KIF26B: variants seen among roughly 807,000 people sequenced by gnomAD.
The protein encoded by KIF26B is kinesin-like protein KIF26B.
A neutral mutation model predicts 151.2 loss-of-function variants in KIF26B; 63 were observed. The ratio of observed to expected loss-of-function variants is 0.42; its 90% CI spans 0.34 to 0.51. KIF26B has a LOEUF of 0.51. Among genes scored for constraint, KIF26B ranks in the 20% least tolerant of loss-of-function variants. The pLI is 0.07. For missense variants in KIF26B, 2,813 were observed against 2,913.6 expected (o/e 0.97, Z 0.79); for synonymous variants, 1,357 against 1,262.1 (o/e 1.08, Z -1.59).
chr1:245,156,413 C>G lies in KIF26B; in HGVS notation c.195C>G (p.Ser65=), dbSNP rs554058547. ...AGGGCGCGGGCTCAGCGCTCGGCTC[C>G]TCGGGGACCCCGTCTCCCGGCTCGG... is the stretch of plus-strand genomic sequence containing the variant. ...TPEGAGSALG[S]SGTPSPGSGT... The change falls in exon 2 of 15, where the codon TCC becomes TCG. Residue 65 remains serine, a synonymous_variant. Transcript: ENST00000407071. 2.0e-6 allele frequency: 3 copies of G among 1,533,064 alleles called. No individual in the cohort carries two copies. The African/African-American group carries it at 4.2e-5, about 22-fold the overall frequency. The allele number at this position is 1,533,064 out of a possible 1,614,324, so 95.0% of individuals were successfully genotyped here.
intron 4 of KIF26B, among the ~76,000 whole-genome samples, chr1:245,432,233 T>C (rs940751093): frequency 6.6e-6 from 1 of 152,188 alleles, no homozygotes; most frequent in Non-Finnish European, 1.5e-5. Context: ...TTGAAGTGCT[T>C]GGAGAAGTTT....
chr1:245,158,131 T>TA (rs1668475652), intron 2 of KIF26B, among the ~76,000 whole-genome samples: 1 of 152,192 alleles, frequency 6.6e-6, no homozygotes, highest in African/African-American at 2.4e-5. Context: ...CCTTGGTTCT[T>TA]AAAGATCTAG....
Position 245,485,910 on chromosome 1 carries a change from C to A in KIF26B, c.1167-54857C>A, listed in dbSNP as rs541509705. ...GGAGTTAAGATTCCTTACTACTTTG[C>A]ATCTTGGTCAATAGTCAGTTTGTCT... On this transcript the variant is annotated intron_variant, in intron 4 of 14. Coordinates refer to ENST00000407071, the MANE Select transcript of KIF26B (RefSeq NM_018012.4). 2.0e-5 allele frequency among the ~76,000 whole-genome samples: 3 copies of A among 152,326 alleles called. No homozygotes were observed. The South Asian group carries it at 6.2e-4, about 32-fold the overall frequency.
intron 10 of KIF26B, among the ~76,000 whole-genome samples, chr1:245,681,008 A>AC (rs1220479078): frequency 6.6e-6 from 1 of 152,142 alleles, no homozygotes; most frequent in Non-Finnish European, 1.5e-5. Context: ...GTCCCTAAGC[A>AC]CAGGAAGGCT....
chr1:245,550,045 C>G (rs1661841223), intron 5 of KIF26B, among the ~76,000 whole-genome samples: 1 of 152,186 alleles, frequency 6.6e-6, no homozygotes, highest in Admixed American at 6.5e-5. Context: ...TCTCAAAGTG[C>G]TGGGATTACA....
rs374048286 is a variant in KIF26B at position 245,381,256 on chromosome 1, ATG to A, written c.999+13892_999+13893del. ...TGGTAGAAAGACCACACAGATCTGCATGTGAGTGCTGGCTCACCTGCTTAGTA... is the reference window on the plus strand; with the variant it reads ...TGGTAGAAAGACCACACAGATCTGCATGAGTGCTGGCTCACCTGCTTAGTA... On this transcript the variant is annotated intron_variant, in intron 3 of 14. Coordinates refer to ENST00000407071, the MANE Select transcript of KIF26B (RefSeq NM_018012.4). 3.9e-5 allele frequency among the ~76,000 whole-genome samples: 6 copies of A among 152,330 alleles called. No homozygotes were observed. The East Asian group carries it at 7.7e-4, about 20-fold the overall frequency.
intron 3 of KIF26B, among the ~76,000 whole-genome samples, chr1:245,400,408 A>T (rs1404563979): frequency 6.6e-6 from 1 of 151,884 alleles, no homozygotes; most frequent in Non-Finnish European, 1.5e-5. Context: ...ATATTTTCTG[A>T]GTTTCTAGTA....
At chr1:245,448,195 T>C (rs1290394309) in intron 4 of KIF26B, among the ~76,000 whole-genome samples, 1 of 152,224 alleles carries the variant, frequency 6.6e-6, no homozygotes, top group Non-Finnish European at 1.5e-5. Flanking sequence ...TCCATTTTAT[T>C]TGTATGTTTT....
rs562695346 is a variant in KIF26B, at chr1:245,241,684, C to T, written c.465+85001C>T. The stretch of plus-strand genomic sequence containing the variant: ...AGGTCCACGGGAACAGCTGCTATGG[C>T]GGCGGACACAGCCCCGTCCAGGGCC... On this transcript the variant is annotated intron_variant, in intron 2 of 14. Transcript: ENST00000407071. The surrounding 1 kb of genome is among the most constrained non-coding windows in gnomAD (Gnocchi z 5.0). Among the ~76,000 whole-genome samples the T allele has an allele frequency of 5.3e-5, 8 of 152,320 alleles. No individual in the cohort carries two copies. Among genetic ancestry groups the T allele is most frequent in the East Asian group, 1.9e-4 (1 of 5,182 alleles).
intron 2 of KIF26B, among the ~76,000 whole-genome samples, chr1:245,231,827 A>G (rs1670005348): frequency 6.6e-6 from 1 of 152,366 alleles, no homozygotes; most frequent in Admixed American, 6.5e-5. Context: ...GGATGGAACA[A>G]TGTTTTCAAG....
intron 2 of KIF26B, among the ~76,000 whole-genome samples, chr1:245,295,321 G>C (rs1671318384): frequency 1.3e-5 from 2 of 152,106 alleles, no homozygotes; most frequent in South Asian, 4.2e-4. Flanking sequence ...TCACAAAATG[G>C]AACCGGTTGA....
chr1:245,639,443 ATTG>A (rs1016610070), intron 9 of KIF26B, among the ~76,000 whole-genome samples: 4 of 151,258 alleles, frequency 2.6e-5, no homozygotes, highest in African/African-American at 7.3e-5. Flanking sequence ...GGTTTTTTGT[ATTG>A]TTATTTTAGT....
rs1387368933 is a variant in KIF26B at position 245,686,369 on chromosome 1, T to C, written c.3386T>C (p.Val1129Ala). The change falls in exon 12 of 15, where the codon GTT becomes GCT. Residue 1129 changes from valine (V) to alanine (A), a missense_variant. Physicochemically the swap from Val to Ala is moderately conservative, Grantham distance 64 (BLOSUM62 0). Coordinates refer to ENST00000407071, the MANE Select transcript of KIF26B (RefSeq NM_018012.4). This position sits in a 1 kb window ranked among gnomAD's most constrained non-coding sequence, Gnocchi z 5.6. Reference protein sequence around the residue: ...LLQPEVRTPPVGMSPQVLKKS... With the variant: ...LLQPEVRTPPAGMSPQVLKKS... ...CAGCCCGAGGTGCGTACGCCCCCGG[T>C]TGGAATGAGCCCCCAGGTTTTGAAA... is the stretch of plus-strand genomic sequence containing the variant. 6.2e-7 allele frequency: 1 copy of C among 1,613,234 alleles called. No homozygotes were observed.
intron 9 of KIF26B, among the ~76,000 whole-genome samples, chr1:245,614,125 G>A (rs543457087): frequency 1.7e-3 from 255 of 152,192 alleles, no homozygotes; most frequent in Non-Finnish European, 2.9e-3. Flanking sequence ...TGCAGCACGC[G>A]TCTCTTGTTT....
intron 12 of KIF26B, among the ~76,000 whole-genome samples, chr1:245,696,503 A>ATGTT (rs1350628439): frequency 2.0e-5 from 3 of 152,032 alleles, no homozygotes; most frequent in Non-Finnish European, 4.4e-5. Flanking sequence ...TGTGAGATCA[A>ATGTT]TGTTTGTTGT....
intron 9 of KIF26B, among the ~76,000 whole-genome samples, chr1:245,634,318 TTTATTGTACTTGCC>T (rs1230401299): frequency 6.6e-6 from 1 of 152,242 alleles, no homozygotes; most frequent in Admixed American, 6.5e-5. Context: ...ATATCGTTCA[TTTATTGTACTTGCC>T]TTATTGTACT....
Position 245,688,737 on chromosome 1 carries a change from G to A in KIF26B, c.5754G>A (p.Thr1918=), listed in dbSNP as rs771045215. 2.5e-6 allele frequency: 4 copies of A among 1,607,084 alleles called. No individual in the cohort carries two copies. The highest frequency in any genetic ancestry group is 1.7e-6 in the Non-Finnish European group (2 of 1,176,622). The part of the protein sequence containing the change: ...TGSASSAQDS[T]SENSSSVGGR... Reference sequence around the variant, plus strand: ...GCGCGTCCTCGGCGCAGGACTCCACGAGCGAGAACAGCAGCTCCGTGGGCG... The same window carrying A: ...GCGCGTCCTCGGCGCAGGACTCCACAAGCGAGAACAGCAGCTCCGTGGGCG... Residue 1918 remains threonine (T), a synonymous_variant, in exon 12 of 15, where the codon ACG becomes ACA. Coordinates refer to ENST00000407071, the MANE Select transcript of KIF26B (RefSeq NM_018012.4).
chr1:245,478,712 G>A (rs945113259), intron 4 of KIF26B, among the ~76,000 whole-genome samples: 2 of 151,662 alleles, frequency 1.3e-5, no homozygotes, highest in Non-Finnish European at 3.0e-5. Flanking sequence ...ACCGCGCCCG[G>A]CCCTGACTTG....
At chr1:245,209,873 C>T (rs1243468902) in intron 2 of KIF26B, among the ~76,000 whole-genome samples, 1 of 152,184 alleles carries the variant, frequency 6.6e-6, no homozygotes, top group African/African-American at 2.4e-5. Flanking sequence ...GACTCAGCTG[C>T]GGGTGGCACG....
Sources: allele counts gnomAD v4.1 joint callset (sites outside exome capture counted in the v4.1 genomes callset), GRCh38; gene constraint gnomAD v4.1.1; non-coding constraint Gnocchi (gnomAD v3.1); transcripts MANE v1.5; gene names NCBI Gene and HGNC (gene_info 2026-07-23, HGNC 2026-07-21).